GDPD5: variants seen among roughly 807,000 people sequenced by gnomAD.
The protein encoded by GDPD5 is glycerophosphodiester phosphodiesterase domain containing 5, also known as glycerophosphodiester phosphodiesterase 2.
In GDPD5, 48 loss-of-function variants were observed where a neutral mutation model predicts 75.1. The observed-to-expected ratio is 0.64, with a 90% CI of 0.51 to 0.81. The LOEUF is 0.81. Among genes scored for constraint, GDPD5 ranks in the 40% least tolerant of loss-of-function variants. The probability of loss-of-function intolerance (pLI) is 0.00; values close to 1 mark genes in which losing one functional copy is unlikely to be tolerated. For missense variants in GDPD5, 706 were observed against 822.6 expected (o/e 0.86, Z 1.73); for synonymous variants, 336 against 339.0 (o/e 0.99, Z 0.10).
At position 75,449,030 on chromosome 11, in the gene GDPD5, T is replaced by C; in HGVS notation, c.661A>G (p.Lys221Glu). 1 of 1,605,762 alleles carries C rather than the reference T, an allele frequency of 6.2e-7. No homozygotes were observed. Among genetic ancestry groups the C allele is most frequent in the Non-Finnish European group, 8.5e-7 (1 of 1,177,680 alleles). Residue 221 changes from lysine (K) to glutamate (E), a missense_variant, in exon 9 of 17, where the codon AAG (lysine) becomes GAG (glutamate). Physicochemically the swap from Lys to Glu is moderately conservative, Grantham distance 56 (BLOSUM62 1). Coordinates refer to ENST00000336898, the MANE Select transcript of GDPD5 (RefSeq NM_030792.8). ...LTISSPCIME[K>E]KDLGPKPALI... Reference sequence around the variant, plus strand: ...GCAGGCTTGGGGCCGAGGTCTTTCTTCTCCATGATGCAGGGAGAGGAGATG... The same window carrying C: ...GCAGGCTTGGGGCCGAGGTCTTTCTCCTCCATGATGCAGGGAGAGGAGATG...
rs563470326 is a variant in GDPD5 at position 75,496,370 on chromosome 11, G to C, written c.-144-6050C>G. Among the ~76,000 whole-genome samples, 17 of 152,368 alleles carry C rather than the reference G, an allele frequency of 1.1e-4. 1 individual carries two copies. In the South Asian group the frequency reaches 2.5e-3, roughly 22 times the overall value. Reference sequence around the variant, plus strand: ...TTCTAGAGAGCAGGAAGCAAGTTGGGGAGGTGGGGGAGCAGAGGAGTGAGC... The same window carrying C: ...TTCTAGAGAGCAGGAAGCAAGTTGGCGAGGTGGGGGAGCAGAGGAGTGAGC... On this transcript the variant is annotated intron_variant, in intron 1 of 16. Coordinates refer to ENST00000336898, the MANE Select transcript of GDPD5 (RefSeq NM_030792.8).
chr11:75,444,333 G>T (rs1263343993), intron 10 of GDPD5, 80 bp downstream of exon 10: 44 of 1,022,880 alleles, frequency 4.3e-5, no homozygotes, highest in Non-Finnish European at 6.2e-6. Flanking sequence ...TGAGACCAGA[G>T]GTTCCCCCAG....
chr11:75,487,313 T>A (rs1950037271), intron 2 of GDPD5, among the ~76,000 whole-genome samples: 1 of 152,138 alleles, frequency 6.6e-6, no homozygotes, highest in Non-Finnish European at 1.5e-5. Context: ...TAGATTCTAA[T>A]GGAATCTGCA....
At chr11:75,505,449 C>T (rs2135465535) in intron 1 of GDPD5, among the ~76,000 whole-genome samples, 1 of 152,280 alleles carries the variant, frequency 6.6e-6, no homozygotes, top group South Asian at 2.1e-4. Context: ...CCCAGGCCCA[C>T]TCACTGCATG....
chr11:75,436,833 T>G, intron 16 of GDPD5, 103 bp downstream of exon 16: 2 of 828,260 alleles, frequency 2.4e-6, no homozygotes, highest in Non-Finnish European at 4.0e-6. Flanking sequence ...TCCCTACCCA[T>G]ATGTGCCACA....
intron 15 of GDPD5, chr11:75,438,007 C>T (rs1948670835): frequency 6.6e-6 from 1 of 152,300 alleles, no homozygotes; most frequent in South Asian, 2.1e-4. Flanking sequence ...AGAGCCAAGA[C>T]TCCACAAGAA....
intron 13 of GDPD5, 85 bp downstream of exon 13, chr11:75,441,558 GTGT>G: frequency 1.6e-6 from 2 of 1,253,764 alleles, no homozygotes; most frequent in Non-Finnish European, 1.1e-6. Flanking sequence ...GTGTGTGTGT[GTGT>G]GTGTGTGTTG....
At chr11:75,457,572 A>G (rs1949310695) in intron 5 of GDPD5, 121 bp downstream of exon 5, 2 of 661,770 alleles carry the variant, frequency 3.0e-6, no homozygotes, top group Middle Eastern at 2.5e-4. Context: ...CAAATACAAT[A>G]TTCCTACAAA....
rs868413151 is a variant in GDPD5 at position 75,458,195 on chromosome 11, T to G, written c.222-409A>C. 9.2e-5 allele frequency among the ~76,000 whole-genome samples: 14 copies of G among 152,360 alleles called. No homozygotes were observed. In the South Asian group the frequency reaches 1.9e-3, roughly 20 times the overall value. ...CTGGATTCACATCCCCTCTCGTCTCTGCTTTTCACTGTCTTGTAGGACCTT... is the reference window on the plus strand; with the variant it reads ...CTGGATTCACATCCCCTCTCGTCTCGGCTTTTCACTGTCTTGTAGGACCTT... On this transcript the variant is annotated intron_variant, in intron 4 of 16. Transcript: ENST00000336898.
chr11:75,481,533 G>A (rs1949919237), intron 2 of GDPD5, among the ~76,000 whole-genome samples: 1 of 152,096 alleles, frequency 6.6e-6, no homozygotes, highest in Admixed American at 6.5e-5. Flanking sequence ...ACAGGCTGGG[G>A]TGGGGACACA....
In GDPD5 at chr11:75,439,933, A is replaced by G. The variant is rs1253689830; in HGVS notation, c.1502T>C (p.Val501Ala). ...MPPDEYCLMW[V>A]TADLVSFTLI... is the part of the protein sequence containing the mutation. ...GGTGAAGGAGACCAGGTCGGCAGTG[A>G]CCCACATGAGACAGTACTCGTCCGG... Residue 501 changes from valine to alanine, a missense_variant, in exon 15 of 17, where the codon GTC (valine) becomes GCC (alanine). By Grantham distance (64) the Val-to-Ala change is moderately conservative. Transcript: ENST00000336898. 2.5e-6 allele frequency: 4 copies of G among 1,613,808 alleles called. No homozygotes were observed. The highest frequency in any genetic ancestry group is 3.4e-6 in the Non-Finnish European group (4 of 1,179,906).
intron 9 of GDPD5, among the ~76,000 whole-genome samples, chr11:75,445,086 C>A (rs1316486741): frequency 6.6e-6 from 1 of 152,158 alleles, no homozygotes; most frequent in Non-Finnish European, 1.5e-5. Flanking sequence ...AAGCCTCTAG[C>A]ACACTGCTTG....
intron 1 of GDPD5, among the ~76,000 whole-genome samples, chr11:75,492,707 T>C (rs1463694305): frequency 6.6e-6 from 1 of 152,262 alleles, no homozygotes; most frequent in Non-Finnish European, 1.5e-5. Flanking sequence ...CCACATGAAA[T>C]GAAGGGTTGG....
chr11:75,454,986 C>A (rs1180285405), intron 6 of GDPD5, among the ~76,000 whole-genome samples: 2 of 152,266 alleles, frequency 1.3e-5, no homozygotes, highest in South Asian at 2.1e-4. Flanking sequence ...TGGGGAACTC[C>A]CTCCTGGTGG....
intron 1 of GDPD5, 193 bp from the exon 2 acceptor site, chr11:75,490,513 T>A (rs1400886389): frequency 6.6e-6 from 1 of 152,230 alleles, no homozygotes; most frequent in Non-Finnish European, 1.5e-5. Flanking sequence ...AGGACATACG[T>A]GATCTAATAC....
intron 1 of GDPD5, among the ~76,000 whole-genome samples, chr11:75,505,579 A>G (rs1284905430): frequency 3.3e-5 from 5 of 152,106 alleles, no homozygotes; most frequent in Admixed American, 6.5e-5. Flanking sequence ...TCTGAGTGGG[A>G]GGCAGGAGGC....
intron 3 of GDPD5, among the ~76,000 whole-genome samples, chr11:75,469,669 G>A (rs1949613840): frequency 6.6e-6 from 1 of 152,208 alleles, no homozygotes; most frequent in Non-Finnish European, 1.5e-5. Flanking sequence ...AGATTATCTC[G>A]CCTCATCTCC....
At position 75,436,987 on chromosome 11, in the gene GDPD5, G is replaced by A. The variant is rs770996558; in HGVS notation, c.1618C>T (p.Arg540Cys). Residue 540 changes from arginine (R) to cysteine (C), a missense_variant, in exon 16 of 17, where the codon CGC becomes TGC. Transcript: ENST00000336898. ...PEQIMLSAAV[R>C]RTSRDVSIMK... The stretch of plus-strand genomic sequence containing the variant: ...ATGCTGACGTCCCGGCTGGTCCGGC[G>A]CACCGCAGCACTCAGCATGATCTGC... The A allele has an allele frequency of 8.1e-6, 13 of 1,613,378 alleles. No individual in the cohort carries two copies. The highest frequency in any genetic ancestry group is 3.3e-5 in the Admixed American group (2 of 59,994).
intron 1 of GDPD5, among the ~76,000 whole-genome samples, chr11:75,497,239 C>T (rs938873781): frequency 6.6e-6 from 1 of 152,122 alleles, no homozygotes. Context: ...CAGACGCAGC[C>T]CCTGCTGGAG....
Sources: gnomAD v4.1 joint callset for allele counts (sites outside exome capture counted in the v4.1 genomes callset) on GRCh38, gnomAD v4.1.1 for gene constraint, MANE v1.5 for transcripts, NCBI Gene and HGNC (gene_info 2026-07-23, HGNC 2026-07-21) for gene names.